EPM2A: variants seen among roughly 807,000 people sequenced by gnomAD.
EPM2A encodes EPM2A glucan phosphatase, laforin.
Under a neutral mutation model 26.5 loss-of-function variants are expected in EPM2A, and 21 were observed. That is an observed-to-expected ratio of 0.79 (90% CI 0.56 to 1.14). EPM2A has a LOEUF of 1.14. EPM2A is among the 50% of genes most tolerant of loss of function. The pLI is 0.00. For missense variants in EPM2A, 458 were observed against 440.8 expected, an observed-to-expected ratio of 1.04 and a Z score of -0.35; for synonymous variants, 217 against 177.6, an observed-to-expected ratio of 1.22 and a Z score of -1.76.
chr6:145,570,696 A>T lies in EPM2A; in HGVS notation c.340+64549T>A, dbSNP rs140193770. On this transcript the variant is annotated intron_variant, in intron 2 of 3. Transcript: ENST00000450221. ...TCATAGTTTCTTTCCTGGTGGAGTG[A>T]CCCAAACCTTCATTCTTGAAGCATC... is the stretch of plus-strand genomic sequence containing the variant. 4.3e-3 allele frequency among the ~76,000 whole-genome samples: 651 copies of T among 152,192 alleles called. 5 individuals carry two copies. Among genetic ancestry groups the T allele is most frequent in the African/African-American group, 0.014 (562 of 41,522 alleles).
intron 2 of EPM2A, among the ~76,000 whole-genome samples, chr6:145,653,063 T>C (rs1053580438): frequency 3.9e-5 from 6 of 152,098 alleles, no homozygotes; most frequent in Admixed American, 2.0e-4. Context: ...AGACAAGAGA[T>C]GTACAATAAT....
intron 4 of EPM2A, among the ~76,000 whole-genome samples, chr6:145,485,501 G>A (rs1337785277): frequency 3.3e-5 from 5 of 152,158 alleles, no homozygotes; most frequent in East Asian, 1.9e-4. Context: ...TTCAGAGAGA[G>A]AAGTGAATGA....
intron 2 of EPM2A, among the ~76,000 whole-genome samples, chr6:145,577,886 A>G (rs928123332): frequency 6.6e-6 from 1 of 152,142 alleles, no homozygotes; most frequent in Non-Finnish European, 1.5e-5. Context: ...CTAGAAATCA[A>G]TAACAAGAGG....
At chr6:145,386,074 C>G (rs1416394750) in intron 4 of EPM2A, among the ~76,000 whole-genome samples, 1 of 151,780 alleles carries the variant, frequency 6.6e-6, no homozygotes, top group East Asian at 1.9e-4. Flanking sequence ...TACTTTAGTA[C>G]TAAATTCAAT....
chr6:145,702,122 C>T (rs1021252307), intron 1 of EPM2A, among the ~76,000 whole-genome samples: 9 of 152,168 alleles, frequency 5.9e-5, no homozygotes, highest in Non-Finnish European at 1.2e-4. Context: ...CCTGTGCTCA[C>T]CCAGCACTCT....
chr6:145,633,793 G>A (rs895152338), intron 3 of EPM2A: 2 of 152,186 alleles, frequency 1.3e-5, no homozygotes, highest in Admixed American at 6.5e-5. Context: ...TGGGTCTGAA[G>A]AACCTGCCTG....
chr6:145,464,112 C>A (rs1396648), intron 4 of EPM2A, among the ~76,000 whole-genome samples: 68,027 of 151,590 alleles, frequency 0.45, 15,908 homozygotes, highest in Non-Finnish European at 0.52. Context: ...CCCAACATAT[C>A]AAGGGAGGGA....
intron 4 of EPM2A, among the ~76,000 whole-genome samples, chr6:145,435,227 G>C (rs1281193883): frequency 2.6e-5 from 4 of 151,896 alleles, no homozygotes; most frequent in African/African-American, 9.7e-5. Context: ...TGAAGTATAA[G>C]GTATAAATGA....
intron 4 of EPM2A, among the ~76,000 whole-genome samples, chr6:145,451,326 G>T (rs1779192990): frequency 7.5e-6 from 1 of 134,056 alleles, no homozygotes; most frequent in African/African-American, 2.6e-5. Flanking sequence ...ACAAAATCAT[G>T]CATTTGTTAC....
At position 145,524,517 on chromosome 6, in the gene EPM2A, CTTA is replaced by C. The variant is rs1235022795; in HGVS notation, c.341-21945_341-21943del. Among the ~76,000 whole-genome samples the C allele has an allele frequency of 8.5e-5, 13 of 152,186 alleles. No individual in the cohort carries two copies. In the South Asian group the frequency reaches 1.0e-3, roughly 12 times the overall value. Reference sequence around the variant, plus strand: ...CATTATAGTTTTGATTTGCATTTCTCTTATTATTAGTGATGTGGAGCATTTTTT... The same window carrying C: ...CATTATAGTTTTGATTTGCATTTCTCTTATTAGTGATGTGGAGCATTTTTT... On this transcript the variant is annotated intron_variant, in intron 2 of 3. Coordinates refer to the EPM2A transcript ENST00000450221.
chr6:145,714,678 G>A (rs779958502), intron 1 of EPM2A, among the ~76,000 whole-genome samples: 2 of 152,176 alleles, frequency 1.3e-5, no homozygotes, highest in Non-Finnish European at 2.9e-5. Context: ...CATGGCAGAA[G>A]GCAAAGAGAG....
intron 2 of EPM2A, among the ~76,000 whole-genome samples, chr6:145,587,579 T>C (rs909956737): frequency 6.6e-6 from 1 of 152,202 alleles, no homozygotes; most frequent in Admixed American, 6.5e-5. Context: ...GGAGATAAGA[T>C]TTCTGTCAGT....
intron 2 of EPM2A, among the ~76,000 whole-genome samples, chr6:145,546,059 T>C (rs1458811296): frequency 2.0e-5 from 3 of 152,102 alleles, no homozygotes; most frequent in East Asian, 1.9e-4. Context: ...TGAGAGGATA[T>C]TTATTAGGGG....
intron 1 of EPM2A, among the ~76,000 whole-genome samples, chr6:145,690,954 A>G (rs564390862): frequency 6.6e-6 from 1 of 152,180 alleles, no homozygotes; most frequent in African/African-American, 2.4e-5. Flanking sequence ...TAAACAGCAA[A>G]CAACAGAAAA....
intron 3 of EPM2A, chr6:145,629,727 C>T (rs1366281916): frequency 6.6e-6 from 1 of 152,272 alleles, no homozygotes. Context: ...CAGCTAGCAT[C>T]ACATGGCAAG....
chr6:145,649,154 G>T (rs746973863), intron 2 of EPM2A, among the ~76,000 whole-genome samples: 51 of 152,184 alleles, frequency 3.4e-4, no homozygotes, highest in Non-Finnish European at 6.0e-4. Context: ...AGCTTTCACA[G>T]TAATTCTCAT....
chr6:145,599,329 T>A (rs1047903720), intron 2 of EPM2A, among the ~76,000 whole-genome samples: 2 of 152,118 alleles, frequency 1.3e-5, no homozygotes, highest in Non-Finnish European at 2.9e-5. Flanking sequence ...CTGTGCTCCC[T>A]TTAGGTAATT....
At chr6:145,554,467 GATAC>G (rs767623194) in intron 2 of EPM2A, among the ~76,000 whole-genome samples, 16 of 145,412 alleles carry the variant, frequency 1.1e-4, no homozygotes, top group East Asian at 6.4e-4. Context: ...TAGATAGATA[GATAC>G]ATAGACAGAG....
At chr6:145,425,917 G>A (rs544715370) in intron 4 of EPM2A, among the ~76,000 whole-genome samples, 44 of 152,176 alleles carry the variant, frequency 2.9e-4, no homozygotes, top group Admixed American at 5.2e-4. Flanking sequence ...GTGATCAATC[G>A]CATGAGTTTC....
Sources: gnomAD v4.1 joint callset for allele counts (sites outside exome capture counted in the v4.1 genomes callset) on GRCh38, gnomAD v4.1.1 for gene constraint, MANE v1.5 for transcripts, NCBI Gene and HGNC (gene_info 2026-07-23, HGNC 2026-07-21) for gene names.